The following NELL1 variants were observed in gnomAD, a reference collection of about 807,000 sequenced individuals.
NELL1 encodes the protein protein kinase C-binding protein NELL1.
A neutral mutation model predicts 107.4 loss-of-function variants in NELL1; 76 were observed. The observed-to-expected ratio is 0.71, with a 90% CI of 0.59 to 0.86. The LOEUF is 0.86. Ranked by LOEUF, NELL1 falls within the 40% of genes least tolerant of loss-of-function variation. The pLI, the probability that NELL1 is intolerant of heterozygous loss-of-function variation, is 0.00. For missense variants in NELL1, 1,024 were observed against 1,005.5 expected (o/e 1.02, Z -0.25); for synonymous variants, 353 against 341.2 (o/e 1.03, Z -0.38).
intron 14 of NELL1, among the ~76,000 whole-genome samples, chr11:21,277,900 G>A (rs575787518): frequency 6.6e-6 from 1 of 152,274 alleles, no homozygotes; most frequent in African/African-American, 2.4e-5. Context: ...GGCCTGTTGT[G>A]GGGTGAGGGA....
At chr11:21,262,249 C>T (rs962336426) in intron 14 of NELL1, among the ~76,000 whole-genome samples, 1 of 151,792 alleles carries the variant, frequency 6.6e-6, no homozygotes, top group Non-Finnish European at 1.5e-5. Flanking sequence ...TTTCCAGGTT[C>T]ACTGTGTAGT....
chr11:21,386,544 C>T (rs907363675), intron 15 of NELL1, among the ~76,000 whole-genome samples: 2 of 151,828 alleles, frequency 1.3e-5, no homozygotes, highest in African/African-American at 4.8e-5. Flanking sequence ...CTTAAATTGC[C>T]CAGCAGTTTC....
At chr11:21,180,186 TAATTA>T (rs768544014) in intron 13 of NELL1, among the ~76,000 whole-genome samples, 1 of 151,756 alleles carries the variant, frequency 6.6e-6, no homozygotes, top group Non-Finnish European at 1.5e-5. Context: ...TGTTCTTATA[TAATTA>T]AATTAACCTG....
chr11:20,755,948 A>AG (rs1257951239), intron 2 of NELL1, among the ~76,000 whole-genome samples: 5 of 138,156 alleles, frequency 3.6e-5, no homozygotes, highest in Non-Finnish European at 3.0e-5. Context: ...GCTGGAGTGC[A>AG]GTGGCGTGAT....
At chr11:20,821,499 A>C (rs1307848652) in intron 3 of NELL1, among the ~76,000 whole-genome samples, 1 of 152,196 alleles carries the variant, frequency 6.6e-6, no homozygotes, top group Non-Finnish European at 1.5e-5. Context: ...CAGGGATTTC[A>C]CATGCTGGCA....
intron 2 of NELL1, among the ~76,000 whole-genome samples, chr11:20,727,350 A>T (rs1456958799): frequency 6.6e-6 from 1 of 152,198 alleles, no homozygotes; most frequent in Non-Finnish European, 1.5e-5. Flanking sequence ...ATTGCCAGTG[A>T]TGATGAGCAT....
chr11:21,497,493 G>T (rs189688189), intron 15 of NELL1, among the ~76,000 whole-genome samples: 1 of 151,996 alleles, frequency 6.6e-6, no homozygotes, highest in Admixed American at 6.6e-5. Context: ...TTAATTTCAG[G>T]TGAATAATTG....
At chr11:20,846,219 G>C (rs904662428) in intron 3 of NELL1, among the ~76,000 whole-genome samples, 1 of 152,122 alleles carries the variant, frequency 6.6e-6, no homozygotes, top group Non-Finnish European at 1.5e-5. Context: ...TCAGAGGCTG[G>C]TCTTGACTCT....
chr11:21,165,149 G>A (rs564859728), intron 13 of NELL1, among the ~76,000 whole-genome samples: 6 of 152,116 alleles, frequency 3.9e-5, no homozygotes, highest in Non-Finnish European at 5.9e-5. Context: ...GGTGCCATTC[G>A]CAGAGGAAGC....
intron 15 of NELL1, among the ~76,000 whole-genome samples, chr11:21,488,468 G>T (rs1340504702): frequency 1.3e-5 from 2 of 152,010 alleles, no homozygotes; most frequent in Non-Finnish European, 2.9e-5. Context: ...AGCAGCATTG[G>T]TGATATCTGC....
chr11:21,480,889 A>G (rs1245747534), intron 15 of NELL1, among the ~76,000 whole-genome samples: 1 of 152,178 alleles, frequency 6.6e-6, no homozygotes, highest in African/African-American at 2.4e-5. Context: ...CCCCTGAACT[A>G]GTTTTTACTG....
At chr11:20,955,135 C>T (rs1280390294) in intron 11 of NELL1, among the ~76,000 whole-genome samples, 1 of 152,140 alleles carries the variant, frequency 6.6e-6, no homozygotes, top group Non-Finnish European at 1.5e-5. Context: ...TAAAAGTACC[C>T]CTTTGGTAGG....
At chr11:21,124,425 A>G (rs983295325) in intron 13 of NELL1, among the ~76,000 whole-genome samples, 6 of 152,288 alleles carry the variant, frequency 3.9e-5, no homozygotes, top group African/African-American at 1.2e-4. Context: ...CAATATGGCA[A>G]CTGAAGGCCA....
intron 15 of NELL1, among the ~76,000 whole-genome samples, chr11:21,482,422 C>T (rs1464387977): frequency 6.6e-6 from 1 of 152,162 alleles, no homozygotes; most frequent in African/African-American, 2.4e-5. Context: ...GCCATACCTC[C>T]ACTTATCATA....
chr11:20,939,164 C>T (rs1256596378), intron 10 of NELL1, among the ~76,000 whole-genome samples: 2 of 152,016 alleles, frequency 1.3e-5, no homozygotes, highest in East Asian at 3.9e-4. Flanking sequence ...TGAAAGGACT[C>T]GAGTGATTGG....
chr11:21,315,206 A>T (rs1382706581), intron 14 of NELL1, among the ~76,000 whole-genome samples: 1 of 152,188 alleles, frequency 6.6e-6, no homozygotes, highest in Non-Finnish European at 1.5e-5. Context: ...ACACTTTTGT[A>T]TATAGTGCAA....
chr11:20,919,297 T>C lies in NELL1; in HGVS notation c.722T>C (p.Met241Thr), dbSNP rs372239838. 1 of 1,607,624 alleles carries C rather than the reference T, an allele frequency of 6.2e-7. No individual in the cohort carries two copies. Among genetic ancestry groups the C allele is most frequent in the Non-Finnish European group, 8.5e-7 (1 of 1,176,134 alleles). Residue 241 changes from methionine to threonine, a missense_variant, in exon 7 of 20, where the codon ATG (methionine) becomes ACG (threonine). Physicochemically the swap from Met to Thr is moderately conservative, Grantham distance 81. Coordinates refer to ENST00000357134, the MANE Select transcript of NELL1 (RefSeq NM_006157.5). ...TTCTTAAGCCTGGTGCAAGGAATAA[T>C]GGATTTACAAGAGCTTTTGGCCAAG... ...SDFLSLVQGI[M>T]DLQELLAKMT...
intron 5 of NELL1, among the ~76,000 whole-genome samples, chr11:20,889,103 A>G (rs1252372466): frequency 1.3e-5 from 2 of 152,238 alleles, no homozygotes; most frequent in Non-Finnish European, 2.9e-5. Flanking sequence ...TTGCAAGGAT[A>G]TGGATGCAAG....
At chr11:21,463,902 G>T (rs1331293566) in intron 15 of NELL1, among the ~76,000 whole-genome samples, 1 of 152,104 alleles carries the variant, frequency 6.6e-6, no homozygotes, top group Non-Finnish European at 1.5e-5. Context: ...ATCCTCGGAA[G>T]ACTTTTTTAC....
Sources: allele counts gnomAD v4.1 joint callset (sites outside exome capture counted in the v4.1 genomes callset), GRCh38; gene constraint gnomAD v4.1.1; transcripts MANE v1.5; gene names NCBI Gene and HGNC (gene_info 2026-07-23, HGNC 2026-07-21).